COBL: variants seen among roughly 807,000 people sequenced by gnomAD.
COBL encodes protein cordon-bleu.
A neutral mutation model predicts 98.8 loss-of-function variants in COBL; 51 were observed. The ratio of observed to expected loss-of-function variants is 0.52; its 90% CI spans 0.41 to 0.65. The LOEUF (loss-of-function observed/expected upper bound fraction) is 0.65, where lower values mean the gene tolerates loss of function less well. Among genes scored for constraint, COBL ranks in the 30% least tolerant of loss-of-function variants. The pLI is 0.00. For synonymous variants in COBL, 634 were observed against 651.7 expected (o/e 0.97, Z 0.41); for missense variants, 1,617 against 1,617.5 (o/e 1.00, Z 0.01).
At chr7:51,254,455 A>G (rs914269916) in intron 1 of COBL, among the ~76,000 whole-genome samples, 1 of 152,248 alleles carries the variant, frequency 6.6e-6, no homozygotes, top group South Asian at 2.1e-4. Context: ...TACTTTCAAC[A>G]TCAAATCTAA....
intron 5 of COBL, among the ~76,000 whole-genome samples, chr7:51,149,249 C>T (rs1408687552): frequency 1.3e-5 from 2 of 152,168 alleles, no homozygotes; most frequent in Non-Finnish European, 2.9e-5. Context: ...TTTCTGAATA[C>T]CACAGGGGCA....
At position 51,187,899 on chromosome 7, in the gene COBL, C is replaced by A. The variant is rs1789703844; in HGVS notation, c.685+2951G>T. On this transcript the variant is annotated intron_variant, in intron 4 of 12. Transcript: ENST00000265136. ...AGCCTCACAGCGGGAGCGGGAAGCC[C>A]CAGGTTCACTGTACCTTGACAGCTC... The A allele has an allele frequency of 2.4e-6, 3 of 1,232,160 alleles. No homozygotes were observed. The South Asian group carries it at 1.2e-4, about 51-fold the overall frequency. The allele number at this position is 1,232,160 out of a possible 1,614,324, so 76.3% of individuals were successfully genotyped here. A position where few individuals can be genotyped will look rare whatever the true frequency, so the allele number is the denominator to read the frequency against.
intron 7 of COBL, chr7:51,064,934 C>A (rs548091651): frequency 5.2e-6 from 3 of 579,978 alleles, no homozygotes; most frequent in South Asian, 2.1e-5. Context: ...TCTGTGGTGA[C>A]GGGTTCATAT....
At chr7:51,258,909 T>C (rs1344637420) in intron 1 of COBL, among the ~76,000 whole-genome samples, 2 of 152,140 alleles carry the variant, frequency 1.3e-5, no homozygotes, top group African/African-American at 4.8e-5. Flanking sequence ...AATGTCCTAA[T>C]CAGGCATTCA....
intron 1 of COBL, among the ~76,000 whole-genome samples, chr7:51,274,082 C>A (rs1456936366): frequency 6.6e-6 from 1 of 152,180 alleles, no homozygotes; most frequent in African/African-American, 2.4e-5. Context: ...CAGTTCCCCC[C>A]AGTCCATGCC....
chr7:51,271,411 T>C (rs1431804164), intron 1 of COBL, among the ~76,000 whole-genome samples: 2 of 152,176 alleles, frequency 1.3e-5, no homozygotes, highest in African/African-American at 4.8e-5. Context: ...GCCCCAACAC[T>C]TCTGTTCTCA....
intron 6 of COBL, among the ~76,000 whole-genome samples, chr7:51,119,978 G>T (rs1797605704): frequency 6.6e-6 from 1 of 152,140 alleles, no homozygotes; most frequent in African/African-American, 2.4e-5. Context: ...CTCTAAACCA[G>T]TAGATCTCAT....
At chr7:51,213,896 T>C (rs1048427714) in intron 2 of COBL, among the ~76,000 whole-genome samples, 3 of 152,042 alleles carry the variant, frequency 2.0e-5, no homozygotes, top group African/African-American at 4.8e-5. Flanking sequence ...GATGTGAATT[T>C]AGTGGGGGCG....
At chr7:51,194,764 G>C (rs1298609942) in intron 2 of COBL, among the ~76,000 whole-genome samples, 1 of 152,000 alleles carries the variant, frequency 6.6e-6, no homozygotes, top group African/African-American at 2.4e-5. Context: ...GTCTTCTTTT[G>C]AAAAGTGTCT....
intron 2 of COBL, among the ~76,000 whole-genome samples, chr7:51,214,326 G>T (rs1401713003): frequency 1.4e-5 from 2 of 145,720 alleles, no homozygotes; most frequent in East Asian, 2.0e-4. Context: ...TAAAGACAAT[G>T]CTGGTTGTGT....
chr7:51,286,633 G>C (rs917867341), intron 1 of COBL, among the ~76,000 whole-genome samples: 1 of 152,204 alleles, frequency 6.6e-6, no homozygotes, highest in African/African-American at 2.4e-5. Flanking sequence ...AGACTGTAGA[G>C]AAAGGGGAAT....
intron 4 of COBL, among the ~76,000 whole-genome samples, chr7:51,188,737 AT>A (rs1421957262): frequency 1.3e-5 from 2 of 152,202 alleles, no homozygotes; most frequent in East Asian, 3.9e-4. Context: ...TCTGTCCCAT[AT>A]GAGGATCAGA....
At chr7:51,118,672 CA>C (rs2128986713) in intron 6 of COBL, among the ~76,000 whole-genome samples, 1 of 152,044 alleles carries the variant, frequency 6.6e-6, no homozygotes, top group African/African-American at 2.4e-5. Flanking sequence ...TCACGAAGAC[CA>C]AAAGTATGTT....
At chr7:51,154,795 G>A (rs1303383103) in intron 5 of COBL, among the ~76,000 whole-genome samples, 1 of 152,190 alleles carries the variant, frequency 6.6e-6, no homozygotes, top group Non-Finnish European at 1.5e-5. Flanking sequence ...GGGCAACCAG[G>A]CCATCTGCTT....
intron 5 of COBL, among the ~76,000 whole-genome samples, chr7:51,147,697 A>C (rs1785158387): frequency 6.6e-6 from 1 of 152,178 alleles, no homozygotes; most frequent in African/African-American, 2.4e-5. Context: ...TGCCAGGGCA[A>C]ATATTTAGGC....
chr7:51,139,785 T>C (rs1799563674), intron 5 of COBL, among the ~76,000 whole-genome samples: 1 of 152,120 alleles, frequency 6.6e-6, no homozygotes, highest in Non-Finnish European at 1.5e-5. Flanking sequence ...AAGTATTGAG[T>C]CCTTTAAAGT....
intron 8 of COBL, among the ~76,000 whole-genome samples, chr7:51,037,693 C>T (rs1430214024): frequency 6.6e-6 from 1 of 152,140 alleles, no homozygotes; most frequent in East Asian, 1.9e-4. Context: ...ACTGGCTGTA[C>T]TATGTTGAGA....
chr7:51,160,386 T>C (rs1485673199), intron 5 of COBL, among the ~76,000 whole-genome samples: 11 of 152,172 alleles, frequency 7.2e-5, no homozygotes, highest in Admixed American at 7.2e-4. Context: ...AGGGAAACAA[T>C]GCAGTAATGC....
chr7:51,262,253 A>C (rs1472506290), intron 1 of COBL, among the ~76,000 whole-genome samples: 1 of 152,168 alleles, frequency 6.6e-6, no homozygotes, highest in Non-Finnish European at 1.5e-5. Context: ...GGTGCAAGAC[A>C]GGGGCACACC....
Sources: gnomAD v4.1 joint callset for allele counts (sites outside exome capture counted in the v4.1 genomes callset) on GRCh38, gnomAD v4.1.1 for gene constraint, MANE v1.5 for transcripts, NCBI Gene and HGNC (gene_info 2026-07-23, HGNC 2026-07-21) for gene names.